Variants in GRIA1 observed in about 807,000 individuals in gnomAD.
The protein encoded by GRIA1 is glutamate ionotropic receptor AMPA type subunit 1, also known as glutamate receptor 1.
In GRIA1, 31 loss-of-function variants were observed where a neutral mutation model predicts 99.2. That is an observed-to-expected ratio of 0.31 (90% confidence interval 0.23 to 0.42). The LOEUF (loss-of-function observed/expected upper bound fraction) is 0.42, where lower values mean the gene tolerates loss of function less well. Ranked by LOEUF, GRIA1 falls within the 10% of genes least tolerant of loss-of-function variation. The probability of loss-of-function intolerance (pLI) is 1.00; values close to 1 mark genes in which losing one functional copy is unlikely to be tolerated. For synonymous variants in GRIA1, 438 were observed against 432.4 expected (o/e 1.01, Z -0.16); for missense variants, 782 against 1,157.5 (o/e 0.68, Z 4.71).
At chr5:153,598,683 C>G (rs1009720141) in intron 2 of GRIA1, among the ~76,000 whole-genome samples, 17 of 152,044 alleles carry the variant, frequency 1.1e-4, no homozygotes, top group African/African-American at 3.9e-4. Flanking sequence ...TTGTTTCTTC[C>G]TTTCCTTATA....
chr5:153,528,639 T>C (rs981928395), intron 2 of GRIA1, among the ~76,000 whole-genome samples: 1 of 152,224 alleles, frequency 6.6e-6, no homozygotes, highest in Non-Finnish European at 1.5e-5. Flanking sequence ...TAAATGTTTC[T>C]TTCTCTTTTC....
intron 13 of GRIA1, among the ~76,000 whole-genome samples, chr5:153,773,010 G>A (rs1763983834): frequency 6.6e-6 from 1 of 152,056 alleles, no homozygotes; most frequent in Non-Finnish European, 1.5e-5. Context: ...AGGAAATACT[G>A]TATATTTCCT....
chr5:153,541,796 G>T (rs1450597440), intron 2 of GRIA1, among the ~76,000 whole-genome samples: 2 of 151,960 alleles, frequency 1.3e-5, no homozygotes, highest in African/African-American at 4.8e-5. Flanking sequence ...TGGACATGGT[G>T]GCCCACACCT....
At chr5:153,499,487 C>T (rs900354748) in intron 2 of GRIA1, among the ~76,000 whole-genome samples, 1 of 151,648 alleles carries the variant, frequency 6.6e-6, no homozygotes, top group East Asian at 1.9e-4. Context: ...TGGTGGCACG[C>T]ACCTGTAGTC....
intron 2 of GRIA1, among the ~76,000 whole-genome samples, chr5:153,507,942 C>T (rs1755697560): frequency 6.6e-6 from 1 of 152,202 alleles, no homozygotes; most frequent in Admixed American, 6.5e-5. Context: ...GGTCATACTA[C>T]TGATTCCATC....
At chr5:153,799,138 A>G (rs1765837356) in intron 14 of GRIA1, among the ~76,000 whole-genome samples, 2 of 151,862 alleles carry the variant, frequency 1.3e-5, no homozygotes, top group African/African-American at 2.4e-5. Flanking sequence ...GGAATAGGAG[A>G]ATGGGGTACC....
chr5:153,716,526 A>G (rs565911604), intron 11 of GRIA1, among the ~76,000 whole-genome samples: 1 of 152,230 alleles, frequency 6.6e-6, no homozygotes, highest in East Asian at 1.9e-4. Context: ...TTTGTCTTTA[A>G]GAGCCATCTC....
At chr5:153,595,408 T>C (rs1764342506) in intron 2 of GRIA1, among the ~76,000 whole-genome samples, 1 of 152,122 alleles carries the variant, frequency 6.6e-6, no homozygotes, top group Non-Finnish European at 1.5e-5. Context: ...AATACATTAT[T>C]ATTAACTAAC....
intron 14 of GRIA1, among the ~76,000 whole-genome samples, chr5:153,801,041 C>T (rs1346574805): frequency 6.6e-6 from 1 of 152,190 alleles, no homozygotes; most frequent in East Asian, 1.9e-4. Flanking sequence ...ACAATATAAA[C>T]AAAGGTGTTA....
chr5:153,811,251 G>T lies in GRIA1; in HGVS notation c.*26G>T. On this transcript the variant is annotated 3_prime_UTR_variant, in exon 16 of 16. Coordinates refer to ENST00000285900, the MANE Select transcript of GRIA1 (RefSeq NM_000827.4). ...CTGGAGCAGATGGAGACCCCTTGGG[G>T]AGCAGGCTCGGGCTCCCCAGCCCCA... The T allele has an allele frequency of 6.3e-7, 1 of 1,585,948 alleles. No individual in the cohort carries two copies. The highest frequency in any genetic ancestry group is 2.2e-5 in the East Asian group (1 of 44,640).
chr5:153,525,975 C>T (rs1581175543), intron 2 of GRIA1, among the ~76,000 whole-genome samples: 1 of 152,178 alleles, frequency 6.6e-6, no homozygotes. Flanking sequence ...AATTTAGCAA[C>T]AGTCACTCAA....
chr5:153,801,124 T>C (rs980521598), intron 14 of GRIA1, among the ~76,000 whole-genome samples: 5 of 152,282 alleles, frequency 3.3e-5, no homozygotes, highest in Non-Finnish European at 7.3e-5. Flanking sequence ...GTCAAGAGTT[T>C]GACTGAGCAA....
At chr5:153,621,371 A>G (rs1404000433) in intron 2 of GRIA1, among the ~76,000 whole-genome samples, 1 of 152,178 alleles carries the variant, frequency 6.6e-6, no homozygotes, top group African/African-American at 2.4e-5. Context: ...GGAGGTAAAG[A>G]TGGCAGTATC....
intron 7 of GRIA1, among the ~76,000 whole-genome samples, chr5:153,678,438 G>A (rs1017209897): frequency 6.6e-6 from 1 of 152,110 alleles, no homozygotes; most frequent in Non-Finnish European, 1.5e-5. Context: ...TGCTAAGGAG[G>A]ACCTCCAGCT....
intron 2 of GRIA1, among the ~76,000 whole-genome samples, chr5:153,502,341 A>G (rs1755080569): frequency 6.6e-6 from 1 of 152,212 alleles, no homozygotes. Context: ...AGTGACAAGA[A>G]TAAGCCTGAA....
In GRIA1 at chr5:153,764,753, T is replaced by G. The variant is rs146185688; in HGVS notation, c.2022+121T>G. On this transcript the variant is annotated intron_variant, in intron 12 of 15. Coordinates refer to ENST00000285900, the MANE Select transcript of GRIA1 (RefSeq NM_000827.4). ...GCCAGAGCAAGTGCTTAACTGACTG[T>G]AAGTCAGGGAAACTCAGGACATTTC... 1.1e-4 allele frequency: 76 copies of G among 683,666 alleles called. No individual in the cohort carries two copies. The African/African-American group carries it at 1.1e-3, about 10-fold the overall frequency. 42.3% of individuals were successfully genotyped at this position (683,666 alleles called of 1,614,324 possible).
chr5:153,761,866 C>A (rs189368557), intron 11 of GRIA1, among the ~76,000 whole-genome samples: 3 of 152,292 alleles, frequency 2.0e-5, no homozygotes, highest in Admixed American at 2.0e-4. Flanking sequence ...TCATTTGCAA[C>A]AACATGGATG....
Position 153,770,812 on chromosome 5 carries a change from AAT to A in GRIA1, c.2270+398_2270+399del, listed in dbSNP as rs1419328386. On this transcript the variant is annotated intron_variant, in intron 13 of 15. Transcript: ENST00000285900. ...AATTCTTTGACAGAAGGTGGTTTAT[AAT>A]GTTTGTCTCAAAAGAAACATAAACA... Among the ~76,000 whole-genome samples, 3 of 152,378 alleles carry A rather than the reference AAT, an allele frequency of 2.0e-5. No homozygotes were observed. In the East Asian group the frequency reaches 5.8e-4, roughly 29 times the overall value.
At chr5:153,645,158 C>T (rs891770492) in intron 2 of GRIA1, among the ~76,000 whole-genome samples, 3 of 152,162 alleles carry the variant, frequency 2.0e-5, no homozygotes, top group Admixed American at 1.3e-4. Context: ...ACACCACCTT[C>T]AGATACCAGG....
Sources: gnomAD v4.1 joint callset for allele counts (sites outside exome capture counted in the v4.1 genomes callset) on GRCh38, gnomAD v4.1.1 for gene constraint, MANE v1.5 for transcripts, NCBI Gene and HGNC (gene_info 2026-07-23, HGNC 2026-07-21) for gene names.